RYK: variants seen among roughly 807,000 people sequenced by gnomAD.
The protein encoded by RYK is receptor like tyrosine kinase.
RYK carries 21 observed loss-of-function variants against 70.2 expected under a neutral mutation model. That is an observed-to-expected ratio of 0.30 (90% CI 0.21 to 0.43). The LOEUF is 0.43. Ranked by LOEUF, RYK falls within the 20% of genes least tolerant of loss-of-function variation. The pLI is 1.00. For synonymous variants in RYK, 267 were observed against 278.0 expected (o/e 0.96, Z 0.39); for missense variants, 604 against 753.3 (o/e 0.80, Z 2.32).
At chr3:134,208,190 C>A (rs1039724065) in intron 4 of RYK, among the ~76,000 whole-genome samples, 3 of 152,134 alleles carry the variant, frequency 2.0e-5, no homozygotes, top group Admixed American at 2.0e-4. Context: ...AAGTATGTGA[C>A]CATTTTGAGT....
intron 1 of RYK, among the ~76,000 whole-genome samples, chr3:134,223,644 T>TG (rs2014803705): frequency 6.6e-6 from 1 of 151,506 alleles, no homozygotes; most frequent in African/African-American, 2.4e-5. Flanking sequence ...GATTTCTCCA[T>TG]GATCATCCAA....
intron 10 of RYK, chr3:134,181,545 A>G (rs186706356): frequency 3.3e-5 from 5 of 152,322 alleles, no homozygotes; most frequent in Admixed American, 3.3e-4. Context: ...GAACCAAAAT[A>G]TAACTAAATT....
At chr3:134,184,259 C>T (rs913974694) in intron 9 of RYK, among the ~76,000 whole-genome samples, 3 of 152,030 alleles carry the variant, frequency 2.0e-5, no homozygotes, top group African/African-American at 7.3e-5. Flanking sequence ...AGTAGCAAAA[C>T]AGAACAAATG....
At chr3:134,161,773 T>C (rs897163892) in intron 13 of RYK, among the ~76,000 whole-genome samples, 2 of 151,162 alleles carry the variant, frequency 1.3e-5, no homozygotes, top group African/African-American at 4.9e-5. Flanking sequence ...ATTCAAAACC[T>C]TTCCACAAAG....
chr3:134,214,362 A>G (rs1180893138), intron 2 of RYK, among the ~76,000 whole-genome samples: 4 of 152,192 alleles, frequency 2.6e-5, no homozygotes, highest in Non-Finnish European at 2.9e-5. Context: ...GTCAGCCAAC[A>G]TTTATGAGGC....
intron 1 of RYK, among the ~76,000 whole-genome samples, chr3:134,246,913 G>C (rs1295631513): frequency 1.3e-5 from 2 of 152,048 alleles, no homozygotes; most frequent in African/African-American, 2.4e-5. Context: ...CAAGAGGATG[G>C]AATGCTCCAG....
chr3:134,192,687 A>C (rs2013683115), intron 7 of RYK, among the ~76,000 whole-genome samples: 1 of 152,212 alleles, frequency 6.6e-6, no homozygotes, highest in Non-Finnish European at 1.5e-5. Context: ...TGGCTTTAGC[A>C]AGTAGAAGTT....
At chr3:134,217,135 T>A (rs999346220) in intron 2 of RYK, among the ~76,000 whole-genome samples, 3 of 152,218 alleles carry the variant, frequency 2.0e-5, no homozygotes, top group African/African-American at 7.2e-5. Context: ...TACCAGAAGC[T>A]GTGATATGTG....
chr3:134,189,044 G>A lies in RYK; in HGVS notation c.1016-121C>T, dbSNP rs1576511602. The A allele has an allele frequency of 7.2e-6, 4 of 557,740 alleles. No homozygotes were observed. In the East Asian group the frequency reaches 1.3e-4, roughly 19 times the overall value. 34.5% of individuals were successfully genotyped at this position (557,740 alleles called of 1,614,324 possible). On this transcript the variant is annotated intron_variant, in intron 8 of 14. Coordinates refer to ENST00000623711, the MANE Select transcript of RYK (RefSeq NM_002958.4). ...AAGGTCATATGTGATCAACATTACT[G>A]TAGCCCTAGAGTAAAAAGACCCAAA...
intron 1 of RYK, among the ~76,000 whole-genome samples, chr3:134,239,338 C>G (rs1198643440): frequency 1.3e-5 from 2 of 151,982 alleles, no homozygotes; most frequent in African/African-American, 4.8e-5. Context: ...TAGCTCACAC[C>G]TGTAGTCCCA....
chr3:134,214,548 AAACCC>A (rs1460784384), intron 2 of RYK, among the ~76,000 whole-genome samples: 2 of 152,192 alleles, frequency 1.3e-5, no homozygotes, highest in African/African-American at 4.8e-5. Flanking sequence ...GACTCCTTCC[AAACCC>A]TCAAAGGGCA....
intron 5 of RYK, 81 bp from the exon 6 acceptor site, chr3:134,202,955 C>A: frequency 8.8e-7 from 1 of 1,136,696 alleles, no homozygotes; most frequent in Admixed American, 2.4e-5. Flanking sequence ...AATAAGTATT[C>A]TGTTCTTTTC....
At chr3:134,167,712 G>C (rs2012728531) in intron 13 of RYK, among the ~76,000 whole-genome samples, 2 of 152,178 alleles carry the variant, frequency 1.3e-5, no homozygotes, top group African/African-American at 2.4e-5. Flanking sequence ...ACATAGGCAT[G>C]AGCAAGGACT....
chr3:134,171,703 C>CA (rs1390909917), intron 13 of RYK, among the ~76,000 whole-genome samples: 1 of 151,920 alleles, frequency 6.6e-6, no homozygotes, highest in African/African-American at 2.4e-5. Flanking sequence ...TCCATCTCTA[C>CA]AAAAAATAAA....
intron 2 of RYK, among the ~76,000 whole-genome samples, chr3:134,217,868 T>G (rs775799864): frequency 6.6e-6 from 1 of 152,200 alleles, no homozygotes; most frequent in Non-Finnish European, 1.5e-5. Context: ...ATAAGATTAA[T>G]TTTTAAAATA....
chr3:134,219,253 G>C (rs770695199), intron 2 of RYK, among the ~76,000 whole-genome samples: 1 of 152,062 alleles, frequency 6.6e-6, no homozygotes, highest in African/African-American at 2.4e-5. Flanking sequence ...ACTTCCCCCT[G>C]TAACAGGCTC....
chr3:134,204,591 CCACACACACACACACACACACACA>C (rs59154111), intron 5 of RYK, among the ~76,000 whole-genome samples: 2 of 140,694 alleles, frequency 1.4e-5, no homozygotes, highest in Admixed American at 7.1e-5. Context: ...ACAGCCACAG[CCACACACACACACACACACACACA>C]CACACACACA....
rs1469564053 is a variant in RYK, at chr3:134,202,854, G to C, written c.664C>G (p.Pro222Ala). 3 of 1,613,430 alleles carry C rather than the reference G, an allele frequency of 1.9e-6. No individual in the cohort carries two copies. The highest frequency in any genetic ancestry group is 2.5e-6 in the Non-Finnish European group (3 of 1,179,756). Residue 222 changes from proline (P) to alanine (A), a missense_variant, in exon 6 of 15, where the codon CCA (proline) becomes GCA (alanine). Physicochemically the swap from Pro to Ala is conservative, Grantham distance 27 (BLOSUM62 -1). This residue lies in a region of RYK where 466 missense variants were observed against 535.9 expected (regional missense o/e 0.87). Transcript: ENST00000623711. The part of the protein sequence containing the change: ...RTIYDPVHAA[P>A]TTSTRVFYIS... ...TAAAACACACGCGTAGAAGTGGTTG[G>C]AGCTGCATGTACAGGATCATCTGAA...
chr3:134,224,521 T>C (rs970250222), intron 1 of RYK, among the ~76,000 whole-genome samples: 3 of 152,292 alleles, frequency 2.0e-5, no homozygotes, highest in African/African-American at 7.2e-5. Context: ...CGTTTAGGCC[T>C]CCAGATGGCT....
Sources: gnomAD v4.1 joint callset for allele counts (sites outside exome capture counted in the v4.1 genomes callset) on GRCh38, gnomAD v4.1.1 for gene constraint, gnomAD v4.1.1 regional missense constraint, MANE v1.5 for transcripts, NCBI Gene and HGNC (gene_info 2026-07-23, HGNC 2026-07-21) for gene names.